CYP2J2: variants seen among roughly 807,000 people sequenced by gnomAD.
CYP2J2 encodes cytochrome P450 family 2 subfamily J member 2.
In CYP2J2, 41 loss-of-function variants were observed where a neutral mutation model predicts 48.8. That is an observed-to-expected ratio of 0.84 (90% CI 0.66 to 1.09). CYP2J2 has a LOEUF of 1.09. Ranked by LOEUF, CYP2J2 falls within the 50% of genes least tolerant of loss-of-function variation. The pLI is 0.00. For synonymous variants in CYP2J2, 221 were observed against 227.1 expected, an observed-to-expected ratio of 0.97 and a Z score of 0.24; for missense variants, 644 against 617.3, an observed-to-expected ratio of 1.04 and a Z score of -0.46.
chr1:59,923,720 G>A (rs528841114), intron 1 of CYP2J2, among the ~76,000 whole-genome samples: 1 of 152,266 alleles, frequency 6.6e-6, no homozygotes, highest in Non-Finnish European at 1.5e-5. Flanking sequence ...CTGTGAATTT[G>A]AAGACAGCTC....
At chr1:59,940,208 G>A in the CYP2J2 span, among the ~76,000 whole-genome samples, 1 of 152,188 alleles carries the variant, frequency 6.6e-6, no homozygotes, top group Admixed American at 6.5e-5. Context: ...GAAAGTCGCA[G>A]AGTCTCACCC....
At chr1:59,925,273 C>G (rs562130408) in intron 1 of CYP2J2, among the ~76,000 whole-genome samples, 15 of 152,130 alleles carry the variant, frequency 9.9e-5, no homozygotes, top group African/African-American at 3.4e-4. Flanking sequence ...ATAGGCAAAC[C>G]AAACAATATC....
At chr1:59,926,827 C>T, upstream of CYP2J2, 8 of 1,320,556 alleles carry the variant, frequency 6.1e-6, no homozygotes, top group South Asian at 9.0e-5. Context: ...CGCCTCGCTC[C>T]CAGCCGTGCC....
chr1:59,935,021 T>TAC, the CYP2J2 span, among the ~76,000 whole-genome samples: 7 of 48,134 alleles, frequency 1.5e-4, no homozygotes, highest in Middle Eastern at 0.012. Flanking sequence ...TATACATATA[T>TAC]ATATATATAT....
chr1:59,913,165 CT>C (rs1644433632), intron 2 of CYP2J2: 1 of 152,180 alleles, frequency 6.6e-6, no homozygotes, highest in Non-Finnish European at 1.5e-5. Flanking sequence ...CAGGATACCA[CT>C]GTCTCCAGAT....
chr1:59,918,378 T>C (rs937611657), intron 1 of CYP2J2, among the ~76,000 whole-genome samples: 1 of 152,170 alleles, frequency 6.6e-6, no homozygotes, highest in Admixed American at 6.5e-5. Context: ...GATTCAGAAC[T>C]CCATTACTAT....
intron 1 of CYP2J2, among the ~76,000 whole-genome samples, chr1:59,916,755 G>T (rs1644469799): frequency 6.6e-6 from 1 of 151,924 alleles, no homozygotes; most frequent in African/African-American, 2.4e-5. Flanking sequence ...TAGTAAACAA[G>T]ATTTCTAACC....
rs1574263040 is a variant in CYP2J2, at chr1:59,924,065, A to T, written c.210+2472T>A. 2.0e-5 allele frequency among the ~76,000 whole-genome samples: 3 copies of T among 152,344 alleles called. 1 individual carries two copies. ...ATTTCTTGAAGGAAGGCAGTGAGAA[A>T]AAGTTCATTACATATGGGGGATAAC... On this transcript the variant is annotated intron_variant, in intron 1 of 8. Transcript: ENST00000371204.
chr1:59,961,176 G>A, the CYP2J2 span, among the ~76,000 whole-genome samples: 1 of 151,980 alleles, frequency 6.6e-6, no homozygotes, highest in Non-Finnish European at 1.5e-5. Context: ...GTGTTTCAGT[G>A]ATACCAATAA....
chr1:59,915,848 T>G, intron 2 of CYP2J2, 90 bp downstream of exon 2: 3 of 1,250,490 alleles, frequency 2.4e-6, no homozygotes, highest in East Asian at 2.4e-5. Flanking sequence ...TTTCTAGGAG[T>G]GTTGGAAAAT....
Position 59,893,521 on chromosome 1 carries a change from G to C in CYP2J2, c.*130C>G, listed in dbSNP as rs1644241559. On this transcript the variant is annotated 3_prime_UTR_variant, in exon 9 of 9. Coordinates refer to ENST00000371204, the MANE Select transcript of CYP2J2 (RefSeq NM_000775.4). ...CTGGGATTTGGATCTAGTTTTCTCT[G>C]AGTCAAATTCCTCTGATCTTTCTTG... 2.1e-5 allele frequency: 14 copies of C among 658,186 alleles called. No individual in the cohort carries two copies. In the East Asian group the frequency reaches 4.0e-4, roughly 19 times the overall value. The allele number at this position is 658,186 out of a possible 1,614,324, so 40.8% of individuals were successfully genotyped here. A position where few individuals can be genotyped will look rare whatever the true frequency, so the allele number is the denominator to read the frequency against.
chr1:59,932,093 T>C, the CYP2J2 span, among the ~76,000 whole-genome samples: 17,547 of 152,138 alleles, frequency 0.12, 1,213 homozygotes, highest in Admixed American at 0.17. Context: ...TTTTTTATTA[T>C]ATAAAAGTTG....
At chr1:59,926,133 G>A (rs1644561552) in intron 1 of CYP2J2, among the ~76,000 whole-genome samples, 1 of 152,078 alleles carries the variant, frequency 6.6e-6, no homozygotes, top group African/African-American at 2.4e-5. Context: ...TTAGTGTAGT[G>A]GGAATAACTC....
Position 59,924,100 on chromosome 1 carries a change from G to A in CYP2J2, c.210+2437C>T, listed in dbSNP as rs542178685. 2.6e-5 allele frequency among the ~76,000 whole-genome samples: 4 copies of A among 152,280 alleles called. No homozygotes were observed. The East Asian group carries it at 7.7e-4, about 29-fold the overall frequency. ...ACATATGGGGGATAACAATTCAGATGACAGTAGATTTCTTAACAGAAACCA... is the reference window on the plus strand; with the variant it reads ...ACATATGGGGGATAACAATTCAGATAACAGTAGATTTCTTAACAGAAACCA... On this transcript the variant is annotated intron_variant, in intron 1 of 8. Coordinates refer to ENST00000371204, the MANE Select transcript of CYP2J2 (RefSeq NM_000775.4).
intron 2 of CYP2J2, among the ~76,000 whole-genome samples, chr1:59,915,319 C>T (rs1392623367): frequency 6.6e-6 from 1 of 152,122 alleles, no homozygotes; most frequent in Admixed American, 6.5e-5. Context: ...GTCTCTTGTC[C>T]CACTTGAGGA....
At chr1:59,931,692 T>TA (rs1232672687), upstream of CYP2J2, among the ~76,000 whole-genome samples, 1 of 152,086 alleles carries the variant, frequency 6.6e-6, no homozygotes, top group Admixed American at 6.6e-5. Flanking sequence ...TTTTCAGCAT[T>TA]AAAAACTGTT....
At chr1:59,932,451 T>C in the CYP2J2 span, among the ~76,000 whole-genome samples, 2 of 152,158 alleles carry the variant, frequency 1.3e-5, no homozygotes, top group East Asian at 3.8e-4. Flanking sequence ...AACTATAACA[T>C]TTCAATATTT....
chr1:59,960,996 G>A, the CYP2J2 span, among the ~76,000 whole-genome samples: 36 of 152,222 alleles, frequency 2.4e-4, no homozygotes, highest in African/African-American at 7.9e-4. Context: ...TTAACTAAGT[G>A]AATCATATCC....
At chr1:59,939,449 C>T in the CYP2J2 span, among the ~76,000 whole-genome samples, 3 of 152,216 alleles carry the variant, frequency 2.0e-5, no homozygotes, top group African/African-American at 7.2e-5. Flanking sequence ...GTCTCTCTCT[C>T]TCTGTTCCAA....
Sources: allele counts gnomAD v4.1 joint callset (sites outside exome capture counted in the v4.1 genomes callset), GRCh38; gene constraint gnomAD v4.1.1; transcripts MANE v1.5; gene names NCBI Gene and HGNC (gene_info 2026-07-23, HGNC 2026-07-21).